The following CKS2 variants were observed in gnomAD, a reference collection of about 807,000 sequenced individuals.
The protein encoded by CKS2 is CDC28 protein kinase regulatory subunit 2, also known as cyclin-dependent kinases regulatory subunit 2.
CKS2 carries 4 observed loss-of-function variants against 14.3 expected under a neutral mutation model. That is an observed-to-expected ratio of 0.28 (90% CI 0.14 to 0.64). CKS2 has a LOEUF of 0.64. CKS2 is among the 30% of genes least tolerant of loss of function. The pLI, the probability that CKS2 is intolerant of heterozygous loss-of-function variation, is 0.83. For missense variants in CKS2, 71 were observed against 94.3 expected (o/e 0.75, Z 1.02); for synonymous variants, 33 against 28.7 (o/e 1.15, Z -0.48).
At chr9:89,315,354 T>G in intron 2 of CKS2, 57 bp downstream of exon 2, 1 of 1,394,012 alleles carries the variant, frequency 7.2e-7, no homozygotes, top group Non-Finnish European at 9.5e-7. Context: ...GTGGTTATGG[T>G]TGTCAAAATT....
rs2131464092 is a variant in CKS2 at position 89,315,107 on chromosome 9, C to G, written c.60-63C>G. On this transcript the variant is annotated intron_variant, in intron 1 of 2. Transcript: ENST00000314355. Reference sequence around the variant, plus strand: ...TAAAGCAACAGAGTTCCTTAAGGTACATGTATAAAGCGACAGTTGTAGAAA... The same window carrying G: ...TAAAGCAACAGAGTTCCTTAAGGTAGATGTATAAAGCGACAGTTGTAGAAA... 4 of 1,444,598 alleles carry G rather than the reference C, an allele frequency of 2.8e-6. No homozygotes were observed. The South Asian group carries it at 5.6e-5, about 20-fold the overall frequency. 89.5% of individuals were successfully genotyped at this position (1,444,598 alleles called of 1,614,324 possible). A position where few individuals can be genotyped will look rare whatever the true frequency, so the allele number is the denominator to read the frequency against.
In CKS2 at chr9:89,316,415, A is replaced by G. The variant is rs1188959131; in HGVS notation, c.230A>G (p.Gln77Arg). 1.9e-6 allele frequency: 3 copies of G among 1,588,866 alleles called. No individual in the cohort carries two copies. The highest frequency in any genetic ancestry group is 2.6e-6 in the Non-Finnish European group (3 of 1,161,596). Reference protein sequence around the residue: ...LLFRRPLPKDQQK With the variant: ...LLFRRPLPKDRQK ...TTTAGACGACCTCTTCCAAAAGATCAACAAAAATGAAGTTTATCTGGGGAT... is the reference window on the plus strand; with the variant it reads ...TTTAGACGACCTCTTCCAAAAGATCGACAAAAATGAAGTTTATCTGGGGAT... The change falls in exon 3 of 3, where the codon CAA becomes CGA. Residue 77 changes from glutamine to arginine, a missense_variant. By Grantham distance (43) the Gln-to-Arg change is conservative. Transcript: ENST00000314355.
chr9:89,311,399 C>T (rs760385286), intron 1 of CKS2, 48 bp downstream of exon 1: 5 of 1,543,928 alleles, frequency 3.2e-6, no homozygotes, highest in Admixed American at 3.8e-5. Flanking sequence ...GCCGGGGCCC[C>T]CGCGGGCGGG....
At chr9:89,315,530 A>T (rs1208911592) in intron 2 of CKS2, among the ~76,000 whole-genome samples, 7 of 64,160 alleles carry the variant, frequency 1.1e-4, no homozygotes, top group Non-Finnish European at 1.2e-4. Context: ...ATAATGTAAG[A>T]AGTAAAAAAA....
At chr9:89,311,390 C>A (rs767367446) in intron 1 of CKS2, 39 bp downstream of exon 1, 1 of 1,567,100 alleles carries the variant, frequency 6.4e-7, no homozygotes, top group Admixed American at 1.9e-5. Context: ...GCTCCCTCAG[C>A]CGGGGCCCCC....
chr9:89,313,645 C>A (rs1476556821), intron 1 of CKS2, among the ~76,000 whole-genome samples: 1 of 152,182 alleles, frequency 6.6e-6, no homozygotes, highest in Non-Finnish European at 1.5e-5. Flanking sequence ...GTGGTAACTT[C>A]TATCTAAATA....
intron 1 of CKS2, among the ~76,000 whole-genome samples, chr9:89,311,866 A>G (rs1479476179): frequency 6.6e-6 from 1 of 152,052 alleles, no homozygotes; most frequent in Non-Finnish European, 1.5e-5. Context: ...GTGGTTTAGA[A>G]TGGTCAAATG....
intron 2 of CKS2, 123 bp downstream of exon 2, chr9:89,315,420 T>C: frequency 1.2e-6 from 1 of 809,608 alleles, no homozygotes; most frequent in Non-Finnish European, 1.7e-6. Context: ...TGATAAGTTT[T>C]TTTTTTTAAT....
intron 1 of CKS2, 127 bp downstream of exon 1, chr9:89,311,478 C>A (rs1472304818): frequency 1.5e-5 from 9 of 617,540 alleles, no homozygotes; most frequent in Non-Finnish European, 2.3e-5. Flanking sequence ...GGCCGGAGGG[C>A]GAGGGCCGGG....
chr9:89,314,859 T>C lies in CKS2; in HGVS notation c.60-311T>C, dbSNP rs184043954. ...ATAAGTTACACATTTTCTTATATCTTGTTGGCTTATGATTTGGAGGCTGGT... is the reference window on the plus strand; with the variant it reads ...ATAAGTTACACATTTTCTTATATCTCGTTGGCTTATGATTTGGAGGCTGGT... On this transcript the variant is annotated intron_variant, in intron 1 of 2. Transcript: ENST00000314355. Among the ~76,000 whole-genome samples, 942 of 152,354 alleles carry C rather than the reference T, an allele frequency of 6.2e-3. 6 individuals carry two copies. Among genetic ancestry groups the C allele is most frequent in the Middle Eastern group, 0.024 (7 of 294 alleles).
chr9:89,316,120 T>TG (rs1428642767), intron 2 of CKS2, among the ~76,000 whole-genome samples: 2 of 152,134 alleles, frequency 1.3e-5, no homozygotes, highest in Non-Finnish European at 2.9e-5. Flanking sequence ...ACAGAATCTA[T>TG]GGGGATGAGC....
chr9:89,311,680 C>T (rs1007963759), intron 1 of CKS2, among the ~76,000 whole-genome samples: 3 of 152,200 alleles, frequency 2.0e-5, no homozygotes. Context: ...GCGGAGTGAC[C>T]ATCCCGTCAC....
intron 1 of CKS2, among the ~76,000 whole-genome samples, chr9:89,313,402 CTG>C (rs147304910): frequency 0.01 from 1,534 of 152,304 alleles, 30 homozygotes; most frequent in African/African-American, 0.035. Context: ...AAGAGAAAAA[CTG>C]TTAATTTTTC....
chr9:89,312,189 C>G (rs12553187), intron 1 of CKS2: 1 of 154,696 alleles, frequency 6.5e-6, no homozygotes, highest in Non-Finnish European at 1.5e-5. Context: ...AAGCACCGTA[C>G]TAGAACATGG....
chr9:89,311,451 T>TGGGGGGGGGGGGGGGGGCGGGGGCGG, intron 1 of CKS2, 100 bp downstream of exon 1: 2 of 355,826 alleles, frequency 5.6e-6, no homozygotes, highest in Non-Finnish European at 5.1e-6. Flanking sequence ...GGCCGGGGCC[T>TGGGGGGGGGGGGGGGGGCGGGGGCGG]GGGGGGCGGA....
intron 2 of CKS2, among the ~76,000 whole-genome samples, chr9:89,315,533 TAAAAAAA>T (rs3080706): frequency 7.5e-6 from 1 of 132,474 alleles, no homozygotes; most frequent in Non-Finnish European, 1.6e-5. Context: ...ATGTAAGAAG[TAAAAAAA>T]AAAAAAAAAA....
In CKS2 at chr9:89,315,163, G is replaced by T. The variant is rs768525343; in HGVS notation, c.60-7G>T. 2 of 1,604,240 alleles carry T rather than the reference G, an allele frequency of 1.2e-6. No homozygotes were observed. The highest frequency in any genetic ancestry group is 1.1e-5 in the South Asian group (1 of 90,256). ...CTGGACTAACACTTGGCTGTATCTT[G>T]TAACAGGCATGTTATGTTACCCAGA... is the stretch of plus-strand genomic sequence containing the variant. On this transcript the variant is annotated splice_polypyrimidine_tract_variant and splice_region_variant and intron_variant, in intron 1 of 2. Transcript: ENST00000314355.
intron 1 of CKS2, chr9:89,312,422 A>C (rs985785262): frequency 6.5e-6 from 1 of 154,268 alleles, no homozygotes; most frequent in Non-Finnish European, 1.5e-5. Context: ...ACCAAGATTT[A>C]GGGGAGATAA....
chr9:89,316,406 C>A lies in CKS2; in HGVS notation c.221C>A (p.Pro74Gln). 1.9e-6 allele frequency: 3 copies of A among 1,593,354 alleles called. No individual in the cohort carries two copies. The highest frequency in any genetic ancestry group is 2.6e-6 in the Non-Finnish European group (3 of 1,165,470). The change falls in exon 3 of 3, where the codon CCA (proline) becomes CAA (glutamine). Residue 74 changes from proline (P) to glutamine (Q), a missense_variant. By Grantham distance (76) the Pro-to-Gln change is moderately conservative (BLOSUM62 -1). Coordinates refer to ENST00000314355, the MANE Select transcript of CKS2 (RefSeq NM_001827.3). Reference sequence around the variant, plus strand: ...ATTCTTCTCTTTAGACGACCTCTTCCAAAAGATCAACAAAAATGAAGTTTA... The same window carrying A: ...ATTCTTCTCTTTAGACGACCTCTTCAAAAAGATCAACAAAAATGAAGTTTA... ...PHILLFRRPL[P>Q]KDQQK
Sources: allele counts gnomAD v4.1 joint callset (sites outside exome capture counted in the v4.1 genomes callset), GRCh38; gene constraint gnomAD v4.1.1; transcripts MANE v1.5; gene names NCBI Gene and HGNC (gene_info 2026-07-23, HGNC 2026-07-21).